The following MYO9A variants were observed in gnomAD, a reference collection of about 807,000 sequenced individuals.
MYO9A encodes the protein unconventional myosin-IXa.
A neutral mutation model predicts 293.3 loss-of-function variants in MYO9A; 103 were observed. The ratio of observed to expected loss-of-function variants is 0.35; its 90% CI spans 0.30 to 0.41. The LOEUF (loss-of-function observed/expected upper bound fraction) is 0.41, where lower values mean the gene tolerates loss of function less well. Ranked by LOEUF, MYO9A falls within the 10% of genes least tolerant of loss-of-function variation. MYO9A has a pLI of 1.00. For synonymous variants in MYO9A, 1,001 were observed against 1,035.7 expected (o/e 0.97, Z 0.64); for missense variants, 2,685 against 3,033.0 (o/e 0.89, Z 2.69).
At chr15:71,849,932 C>G in intron 38 of MYO9A, 104 bp downstream of exon 38, 1 of 938,128 alleles carries the variant, frequency 1.1e-6, no homozygotes, top group Non-Finnish European at 1.5e-6. Context: ...TTCTTAAAAA[C>G]ACCTGAATTT....
chr15:71,871,010 T>C (rs1362978489), intron 32 of MYO9A, among the ~76,000 whole-genome samples: 1 of 152,176 alleles, frequency 6.6e-6, no homozygotes. Context: ...GGTGCCTTGG[T>C]CCATAACTCG....
At chr15:72,005,976 C>T (rs1040276836) in intron 8 of MYO9A, among the ~76,000 whole-genome samples, 3 of 152,130 alleles carry the variant, frequency 2.0e-5, no homozygotes, top group African/African-American at 7.2e-5. Context: ...ACCAAAATGT[C>T]CTTCAACAGA....
intron 10 of MYO9A, 35 bp downstream of exon 10, chr15:71,994,434 A>G (rs756993477): frequency 3.7e-5 from 49 of 1,319,450 alleles, no homozygotes; most frequent in Non-Finnish European, 5.0e-5. Flanking sequence ...AATAGCTTTC[A>G]GGGAAAAACA....
intron 1 of MYO9A, among the ~76,000 whole-genome samples, chr15:72,079,294 C>T (rs545226906): frequency 3.3e-5 from 5 of 151,508 alleles, no homozygotes; most frequent in East Asian, 3.9e-4. Flanking sequence ...AAAATAGACC[C>T]TATTAAAAAT....
chr15:71,860,860 G>T (rs1174972104), intron 33 of MYO9A, among the ~76,000 whole-genome samples: 1 of 151,132 alleles, frequency 6.6e-6, no homozygotes, highest in Non-Finnish European at 1.5e-5. Flanking sequence ...CCAGCTACTT[G>T]GGAGGCTGAG....
At chr15:71,963,108 G>C (rs762597127) in intron 13 of MYO9A, among the ~76,000 whole-genome samples, 1 of 152,246 alleles carries the variant, frequency 6.6e-6, no homozygotes, top group Non-Finnish European at 1.5e-5. Flanking sequence ...TTTTGAGACA[G>C]GGTCTTGTTC....
At chr15:71,973,601 G>C (rs897313908) in intron 12 of MYO9A, among the ~76,000 whole-genome samples, 1 of 152,018 alleles carries the variant, frequency 6.6e-6, no homozygotes, top group African/African-American at 2.4e-5. Context: ...TCTGGAAAGG[G>C]GGATTGCCCA....
intron 1 of MYO9A, among the ~76,000 whole-genome samples, chr15:72,106,330 T>C (rs950068398): frequency 6.6e-6 from 1 of 151,886 alleles, no homozygotes; most frequent in African/African-American, 2.4e-5. Context: ...TAAAATGTAA[T>C]TTAAAAAAAT....
At chr15:71,869,356 G>A (rs1436291162) in intron 32 of MYO9A, among the ~76,000 whole-genome samples, 22 of 151,996 alleles carry the variant, frequency 1.4e-4, no homozygotes, top group Non-Finnish European at 1.5e-4. Flanking sequence ...TGCCAAAAAT[G>A]TGTAATCTGA....
chr15:72,023,536 T>G (rs2149261183), intron 4 of MYO9A, among the ~76,000 whole-genome samples: 1 of 151,044 alleles, frequency 6.6e-6, no homozygotes, highest in South Asian at 2.1e-4. Flanking sequence ...CTACTAAAAT[T>G]ACAAAAAAAA....
At chr15:72,011,068 G>A (rs1177431740) in intron 6 of MYO9A, among the ~76,000 whole-genome samples, 2 of 151,600 alleles carry the variant, frequency 1.3e-5, no homozygotes, top group African/African-American at 4.8e-5. Flanking sequence ...GGAGTACAGT[G>A]GCATGATCTT....
At chr15:71,952,031 G>T in intron 14 of MYO9A, 135 bp from the exon 15 acceptor site, 1 of 884,742 alleles carries the variant, frequency 1.1e-6, no homozygotes, top group Non-Finnish European at 1.6e-6. Context: ...AAATAATAGA[G>T]GTTATATGTG....
At chr15:72,107,798 C>CAAAA (rs61497465) in intron 1 of MYO9A, among the ~76,000 whole-genome samples, 1,782 of 142,954 alleles carry the variant, frequency 0.012, 54 homozygotes, top group Admixed American at 0.057. Context: ...ATTTGAGCAT[C>CAAAA]AAAAAAAAAA....
Position 71,825,995 on chromosome 15 carries a change from G to GTTTTT in MYO9A, c.*580_*584dup, listed in dbSNP as rs11368306. ...ATGGAAACAATCACGGTTTTTTTTT[G>GTTTTT]TTTTTTTTTTTTTGTTTTTTTTTTT... is the stretch of plus-strand genomic sequence containing the variant. On this transcript the variant is annotated 3_prime_UTR_variant, in exon 42 of 42. Transcript: ENST00000356056. 7.6e-5 allele frequency: 7 copies of GTTTTT among 91,522 alleles called. No homozygotes were observed. The highest frequency in any genetic ancestry group is 3.7e-4 in the South Asian group (1 of 2,734). The allele number at this position is 91,522 out of a possible 1,614,324, so 5.7% of individuals were successfully genotyped here.
At position 72,047,546 on chromosome 15, in the gene MYO9A, T is replaced by C. The variant is rs28482979; in HGVS notation, c.-71-912A>G. ...TTCTCCAACTCAAAATTTATTCCTATCTTTACCTCATCTATCTTATTCCAT... is the reference window on the plus strand; with the variant it reads ...TTCTCCAACTCAAAATTTATTCCTACCTTTACCTCATCTATCTTATTCCAT... On this transcript the variant is annotated intron_variant, in intron 1 of 41. Coordinates refer to ENST00000356056, the MANE Select transcript of MYO9A (RefSeq NM_006901.4). Among the ~76,000 whole-genome samples, 851 of 152,202 alleles carry C rather than the reference T, an allele frequency of 5.6e-3. 11 individuals are homozygous for C. Among genetic ancestry groups the C allele is most frequent in the African/African-American group, 0.019 (806 of 41,510 alleles).
intron 1 of MYO9A, among the ~76,000 whole-genome samples, chr15:72,103,590 C>T (rs191143636): frequency 1.3e-5 from 2 of 150,360 alleles, no homozygotes; most frequent in East Asian, 2.0e-4. Flanking sequence ...GCAGAAGCAG[C>T]AGAAGCAGTG....
intron 39 of MYO9A, among the ~76,000 whole-genome samples, chr15:71,831,235 C>T (rs978621908): frequency 1.3e-5 from 2 of 152,092 alleles, no homozygotes; most frequent in Non-Finnish European, 2.9e-5. Context: ...AACTATAGCC[C>T]GTGTGGCAAA....
rs767719112 is a variant in MYO9A at position 71,898,670 on chromosome 15, C to G, written c.3833G>C (p.Arg1278Thr). 6.2e-7 allele frequency: 1 copy of G among 1,614,020 alleles called. No individual in the cohort carries two copies. Among genetic ancestry groups the G allele is most frequent in the Non-Finnish European group, 8.5e-7 (1 of 1,180,006 alleles). ...GRAKRESRRM[R>T]ELEQAIFSLE... Reference sequence around the variant, plus strand: ...GCTAAATATAGCTTGCTCTAGTTCTCTCATTCTCCTACTTTCTCTCTTAGC... The same window carrying G: ...GCTAAATATAGCTTGCTCTAGTTCTGTCATTCTCCTACTTTCTCTCTTAGC... The change falls in exon 25 of 42, where the codon AGA becomes ACA. Residue 1278 changes from arginine (R) to threonine (T), a missense_variant. This residue lies in a region of MYO9A where 1,434 missense variants were observed against 1,497.7 expected (regional missense o/e 0.96). Transcript: ENST00000356056.
chr15:71,945,141 G>T (rs1464455527), intron 15 of MYO9A, among the ~76,000 whole-genome samples: 1 of 152,128 alleles, frequency 6.6e-6, no homozygotes, highest in Non-Finnish European at 1.5e-5. Flanking sequence ...AACAATTCAG[G>T]AGTGGCTTAG....
Sources: allele counts gnomAD v4.1 joint callset (sites outside exome capture counted in the v4.1 genomes callset), GRCh38; gene constraint gnomAD v4.1.1; regional missense constraint gnomAD v4.1.1; transcripts MANE v1.5; gene names NCBI Gene and HGNC (gene_info 2026-07-23, HGNC 2026-07-21).